The following LATS2 variants were observed in gnomAD, a reference collection of about 807,000 sequenced individuals.
The protein encoded by LATS2 is serine/threonine-protein kinase LATS2.
In LATS2, 24 loss-of-function variants were observed where a neutral mutation model predicts 76.0. The ratio of observed to expected loss-of-function variants is 0.32; its 90% confidence interval spans 0.23 to 0.44. The LOEUF (loss-of-function observed/expected upper bound fraction) is 0.44. LATS2 is among the 20% of genes least tolerant of loss of function. LATS2 has a pLI of 1.00. For synonymous variants in LATS2, 692 were observed against 635.4 expected (o/e 1.09, Z -1.34); for missense variants, 1,286 against 1,481.2 (o/e 0.87, Z 2.16).
At chr13:21,019,501 T>TTTTTTGTA (rs1244180579) in intron 2 of LATS2, among the ~76,000 whole-genome samples, 1 of 145,714 alleles carries the variant, frequency 6.9e-6, no homozygotes, top group Non-Finnish European at 1.5e-5. Context: ...TAATTTTTTT[T>TTTTTTGTA]TTTTTGTATT....
intron 2 of LATS2, among the ~76,000 whole-genome samples, chr13:21,031,131 T>C (rs1872517898): frequency 6.6e-6 from 1 of 152,208 alleles, no homozygotes; most frequent in African/African-American, 2.4e-5. Context: ...TTTCAAGATT[T>C]TGTCTTTATC....
chr13:21,008,511 A>C (rs564314993), intron 2 of LATS2, among the ~76,000 whole-genome samples: 7 of 152,104 alleles, frequency 4.6e-5, no homozygotes, highest in Non-Finnish European at 1.0e-4. Context: ...TGGTCTCCTG[A>C]ACATTATGAA....
At position 21,013,466 on chromosome 13, in the gene LATS2, G is replaced by C. The variant is rs189488905; in HGVS notation, c.343-22062C>G. On this transcript the variant is annotated intron_variant, in intron 2 of 7. Transcript: ENST00000382592. ...AAAAAGTCCAATTTTCTGTAGAGAA[G>C]ATCCAAACGGCCAGGAAAGGCAATG... Among the ~76,000 whole-genome samples, 202 of 152,332 alleles carry C rather than the reference G, an allele frequency of 1.3e-3. 1 individual carries two copies. In the South Asian group the frequency reaches 0.027, roughly 20 times the overall value.
rs769023154 is a variant in LATS2, at chr13:20,975,059, G to A, written c.3078C>T (p.Thr1026=). The change falls in exon 8 of 8, where the codon ACC becomes ACT. Residue 1026 remains threonine, a synonymous_variant. Transcript: ENST00000382592. ...GCTCAGGATGCTTGTTATTGGGCGA[G>A]GTGAGTGTGTCCCAGGCCTTGGTGC... The part of the protein sequence containing the change: ...EGSTKAWDTL[T]SPNNKHPEHA... The A allele has an allele frequency of 2.5e-6, 4 of 1,614,114 alleles. No homozygotes were observed. The African/African-American group carries it at 5.3e-5, about 22-fold the overall frequency.
chr13:21,040,406 A>G (rs1212357722), intron 2 of LATS2, among the ~76,000 whole-genome samples: 2 of 151,670 alleles, frequency 1.3e-5, no homozygotes, highest in African/African-American at 4.9e-5. Flanking sequence ...GAAAAAGAAA[A>G]AGAAAGAAAT....
At chr13:21,007,700 GTATGTATA>G (rs1565952319) in intron 2 of LATS2, among the ~76,000 whole-genome samples, 2 of 1,698 alleles carry the variant, frequency 1.2e-3, no homozygotes, top group African/African-American at 2.7e-3. Context: ...TATATATATA[GTATGTATA>G]TATATATATA....
chr13:21,027,657 G>A (rs1393799892), intron 2 of LATS2, among the ~76,000 whole-genome samples: 2 of 152,150 alleles, frequency 1.3e-5, no homozygotes, highest in Non-Finnish European at 2.9e-5. Flanking sequence ...CTGGTCCAAA[G>A]TCAGGTCTAG....
Position 20,988,833 on chromosome 13 carries a change from G to C in LATS2, c.947C>G (p.Pro316Arg), listed in dbSNP as rs1305977205. ...PPAAGLYVPH[P>R]HHKQAGPAAH... ...CGCGGGACCGGCCTGCTTGTGGTGT[G>C]GGTGCGGCACGTAGAGCCCGGCGGC... Residue 316 changes from proline to arginine, a missense_variant, in exon 4 of 8, where the codon CCA becomes CGA. Around this residue, in one of 5 missense-constraint regions of LATS2, gnomAD observed 710 missense variants for 660.9 expected, o/e 1.07. Coordinates refer to ENST00000382592, the MANE Select transcript of LATS2 (RefSeq NM_014572.3). 1 of 1,596,830 alleles carries C rather than the reference G, an allele frequency of 6.3e-7. No individual in the cohort carries two copies. The highest frequency in any genetic ancestry group is 1.1e-5 in the South Asian group (1 of 90,626).
intron 4 of LATS2, among the ~76,000 whole-genome samples, chr13:20,986,588 G>A (rs911859097): frequency 4.6e-5 from 7 of 152,198 alleles, no homozygotes; most frequent in Non-Finnish European, 8.8e-5. Flanking sequence ...TCTCATAGAG[G>A]TAGAGAGTAG....
At chr13:21,021,413 T>C (rs1312729574) in intron 2 of LATS2, among the ~76,000 whole-genome samples, 1 of 130,504 alleles carries the variant, frequency 7.7e-6, no homozygotes, top group African/African-American at 3.0e-5. Context: ...GCAGAGGTTG[T>C]AGTGAACTGG....
In LATS2 at chr13:21,040,335, A is replaced by T. The variant is rs1872825735; in HGVS notation, c.342+5350T>A. On this transcript the variant is annotated intron_variant, in intron 2 of 7. Coordinates refer to ENST00000382592, the MANE Select transcript of LATS2 (RefSeq NM_014572.3). Reference sequence around the variant, plus strand: ...CAGGTCAAGGCTACAGTGAGCCGAGATTGCGCCACTGCACTACAGCCTCGG... The same window carrying T: ...CAGGTCAAGGCTACAGTGAGCCGAGTTTGCGCCACTGCACTACAGCCTCGG... 2.0e-5 allele frequency among the ~76,000 whole-genome samples: 3 copies of T among 150,950 alleles called. No individual in the cohort carries two copies. In the South Asian group the frequency reaches 6.3e-4, roughly 32 times the overall value.
chr13:21,006,352 C>G (rs1565951471), intron 2 of LATS2, among the ~76,000 whole-genome samples: 2 of 152,054 alleles, frequency 1.3e-5, no homozygotes, highest in Non-Finnish European at 2.9e-5. Flanking sequence ...GGCCCTGGTC[C>G]CCAGCGCCCA....
rs967624566 is a variant in LATS2 at position 20,988,359 on chromosome 13, G to GCGGGGA, written c.1420_1421insTCCCCG (p.Pro473_Ala474insValPro). ...CTCCGCAGCCGGGGCGGGGGCGGGGGCGGGGGCCGGGGCAGGCGCGGGCAC... is the reference window on the plus strand; with the variant it reads ...CTCCGCAGCCGGGGCGGGGGCGGGGGCGGGGACGGGGGCCGGGGCAGGCGCGGGCAC... On this transcript the variant is annotated inframe_insertion, in exon 4 of 8. Coordinates refer to ENST00000382592, the MANE Select transcript of LATS2 (RefSeq NM_014572.3). 4.4e-6 allele frequency: 6 copies of GCGGGGA among 1,371,608 alleles called. No homozygotes were observed. The highest frequency in any genetic ancestry group is 1.5e-5 in the African/African-American group (1 of 65,004). The allele number at this position is 1,371,608 out of a possible 1,614,324, so 85.0% of individuals were successfully genotyped here.
At position 20,988,938 on chromosome 13, in the gene LATS2, G is replaced by T; in HGVS notation, c.842C>A (p.Pro281Gln). 7 of 1,528,294 alleles carry T rather than the reference G, an allele frequency of 4.6e-6. No individual in the cohort carries two copies. The highest frequency in any genetic ancestry group is 6.1e-6 in the Non-Finnish European group (7 of 1,141,448). 94.7% of individuals were successfully genotyped at this position (1,528,294 alleles called of 1,614,324 possible). ...RSPSFQSKTP[P>Q]ETGGYASLPT... is the part of the protein sequence containing the mutation. ...CAGGCTGGCGTAACCCCCGGTCTCC[G>T]GCGGCGTCTTGCTCTGGAAGGAGGG... Residue 281 changes from proline to glutamine, a missense_variant, in exon 4 of 8, where the codon CCG (proline) becomes CAG (glutamine). Physicochemically the swap from Pro to Gln is moderately conservative, Grantham distance 76. Around this residue, in one of 5 missense-constraint regions of LATS2, gnomAD observed 710 missense variants for 660.9 expected, o/e 1.07. Transcript: ENST00000382592.
chr13:21,030,900 G>T (rs994246174), intron 2 of LATS2, among the ~76,000 whole-genome samples: 3 of 150,762 alleles, frequency 2.0e-5, no homozygotes, highest in African/African-American at 7.3e-5. Flanking sequence ...TTTAATACAG[G>T]TCCCCTGGTA....
At chr13:21,024,689 TAA>T (rs35621454) in intron 2 of LATS2, among the ~76,000 whole-genome samples, 2,233 of 142,786 alleles carry the variant, frequency 0.016, 35 homozygotes, top group African/African-American at 0.039. Context: ...ATACCCACAT[TAA>T]AAAAAAAAAA....
chr13:20,994,828 C>A (rs933010776), intron 2 of LATS2, among the ~76,000 whole-genome samples: 3 of 145,316 alleles, frequency 2.1e-5, no homozygotes, highest in African/African-American at 5.1e-5. Flanking sequence ...GTAGGGCAGG[C>A]TGGGCAACAA....
chr13:21,051,917 A>AC (rs1310964901), intron 1 of LATS2, among the ~76,000 whole-genome samples: 2 of 152,188 alleles, frequency 1.3e-5, no homozygotes, highest in Non-Finnish European at 1.5e-5. Context: ...AGGTCACACT[A>AC]CTGCACTCCA....
chr13:20,983,619 A>G lies in LATS2; in HGVS notation c.2087T>C (p.Met696Thr). The change falls in exon 5 of 8, where the codon ATG (methionine) becomes ACG (threonine). Residue 696 changes from methionine (M) to threonine (T), a missense_variant. Around this residue, in one of 5 missense-constraint regions of LATS2, gnomAD observed 247 missense variants for 385.4 expected, o/e 0.64. Coordinates refer to ENST00000382592, the MANE Select transcript of LATS2 (RefSeq NM_014572.3). Reference sequence around the variant, plus strand: ...GACATCCTTTTTCCTTAGGGTCTTCATGGCGTACAGGGCGTGAGTGTCCAC... The same window carrying G: ...GACATCCTTTTTCCTTAGGGTCTTCGTGGCGTACAGGGCGTGAGTGTCCAC... ...CKVDTHALYAMKTLRKKDVLN... is the reference protein window; with the variant it reads ...CKVDTHALYATKTLRKKDVLN... 2 of 1,614,078 alleles carry G rather than the reference A, an allele frequency of 1.2e-6. No individual in the cohort carries two copies. Among genetic ancestry groups the G allele is most frequent in the Non-Finnish European group, 1.7e-6 (2 of 1,180,008 alleles).
Sources: gnomAD v4.1 joint callset for allele counts (sites outside exome capture counted in the v4.1 genomes callset) on GRCh38, gnomAD v4.1.1 for gene constraint, gnomAD v4.1.1 regional missense constraint, MANE v1.5 for transcripts, NCBI Gene and HGNC (gene_info 2026-07-23, HGNC 2026-07-21) for gene names.